The following DAB2IP variants were observed in gnomAD, a reference collection of about 807,000 sequenced individuals.
DAB2IP encodes the protein DAB2 interacting protein, also known as disabled homolog 2-interacting protein.
Under a neutral mutation model 107.2 loss-of-function variants are expected in DAB2IP, and 28 were observed. The ratio of observed to expected loss-of-function variants is 0.26; its 90% confidence interval spans 0.19 to 0.36. The LOEUF (loss-of-function observed/expected upper bound fraction) is 0.36, where lower values mean the gene tolerates loss of function less well. Ranked by LOEUF, DAB2IP falls within the 10% of genes least tolerant of loss-of-function variation. DAB2IP has a pLI of 1.00. For synonymous variants in DAB2IP, 755 were observed against 706.4 expected (o/e 1.07, Z -1.09); for missense variants, 1,400 against 1,644.7 (o/e 0.85, Z 2.57).
At position 121,599,740 on chromosome 9, in the gene DAB2IP, G is replaced by A. The variant is rs528668734; in HGVS notation, c.40+32512G>A. The stretch of plus-strand genomic sequence containing the variant: ...GCTCCGGAGCCTTTGGGATGGCAGC[G>A]CCCAGCGGCCCGGCCCGCGCGTAGA... On this transcript the variant is annotated intron_variant, in intron 1 of 16. Transcript: ENST00000259371. The surrounding 1 kb of genome is among the most constrained non-coding windows in gnomAD (Gnocchi z 6.9). Among the ~76,000 whole-genome samples the A allele has an allele frequency of 1.3e-5, 2 of 152,114 alleles. 1 individual carries two copies. The highest frequency in any genetic ancestry group is 3.9e-4 in the East Asian group (2 of 5,124).
At position 121,638,410 on chromosome 9, in the gene DAB2IP, CT is replaced by C. The variant is rs201888791; in HGVS notation, c.41-40267del. Among the ~76,000 whole-genome samples, 401 of 152,302 alleles carry C rather than the reference CT, an allele frequency of 2.6e-3. 2 individuals are homozygous for C. The highest frequency in any genetic ancestry group is 9.0e-3 in the African/African-American group (375 of 41,560). On this transcript the variant is annotated intron_variant, in intron 1 of 16. Transcript: ENST00000259371. ...TTTTGGTATCCTGGATCCAATACCC[CT>C]GGGATACCGAGAGACGCCTGTATGG...
chr9:121,646,207 CATTAA>C (rs1000625485), intron 1 of DAB2IP, among the ~76,000 whole-genome samples: 3 of 152,208 alleles, frequency 2.0e-5, no homozygotes, highest in African/African-American at 7.2e-5. Flanking sequence ...CAAACGATGT[CATTAA>C]ATATATCGGT....
intron 12 of DAB2IP, 114 bp from the exon 13 acceptor site, chr9:121,774,146 C>G: frequency 8.1e-7 from 1 of 1,235,326 alleles, no homozygotes; most frequent in South Asian, 1.7e-5. Context: ...TGGAGGTCCC[C>G]TCTTCCCACC....
chr9:121,682,084 G>A (rs1828629440), intron 2 of DAB2IP, among the ~76,000 whole-genome samples: 1 of 152,234 alleles, frequency 6.6e-6, no homozygotes, highest in South Asian at 2.1e-4. Flanking sequence ...TGGTGAGCCT[G>A]GCCTGGGCCT....
chr9:121,575,700 C>T (rs1380797666), intron 1 of DAB2IP, among the ~76,000 whole-genome samples: 5 of 152,028 alleles, frequency 3.3e-5, no homozygotes, highest in African/African-American at 1.2e-4. Context: ...GGGCTGACTG[C>T]AGGATATCCA....
At chr9:121,784,176 C>CCAGGGATCACAG (rs1415416109) in exon 16 of DAB2IP, 2 of 155,626 alleles carry the variant, frequency 1.3e-5, no homozygotes, top group South Asian at 2.0e-4. Flanking sequence ...GGCTGGGCCA[C>CCAGGGATCACAG]CAGGGATCAC....
intron 10 of DAB2IP, among the ~76,000 whole-genome samples, chr9:121,769,372 C>G (rs917859516): frequency 5.3e-5 from 8 of 151,962 alleles, no homozygotes; most frequent in Non-Finnish European, 7.3e-5. Context: ...CACACACATG[C>G]AGGCGCACAC....
chr9:121,669,533 G>A (rs764209721), intron 1 of DAB2IP, among the ~76,000 whole-genome samples: 4 of 152,182 alleles, frequency 2.6e-5, no homozygotes, highest in Admixed American at 6.5e-5. Context: ...GGGGGAGGTC[G>A]AAGGGAGTGG....
At chr9:121,717,755 ACCTCCCTCTTCTTTCTCTCTTCC>A (rs1830687313) in intron 3 of DAB2IP, among the ~76,000 whole-genome samples, 1 of 151,364 alleles carries the variant, frequency 6.6e-6, no homozygotes, top group Non-Finnish European at 1.5e-5. Context: ...TTTGAGCACC[ACCTCCCTCTTCTTTCTCTCTTCC>A]CCTCCCCCTC....
chr9:121,595,020 G>C (rs1233013183), intron 1 of DAB2IP, among the ~76,000 whole-genome samples: 1 of 152,100 alleles, frequency 6.6e-6, no homozygotes, highest in Non-Finnish European at 1.5e-5. Context: ...GTGCTTGGGC[G>C]GGGGCAGTCT....
Position 121,679,072 on chromosome 9 carries a change from G to C in DAB2IP, c.228+291G>C, listed in dbSNP as rs139746135. Among the ~76,000 whole-genome samples the C allele has an allele frequency of 6.2e-3, 943 of 152,300 alleles. 7 individuals carry two copies. Among genetic ancestry groups the C allele is most frequent in the African/African-American group, 0.022 (909 of 41,542 alleles). On this transcript the variant is annotated intron_variant, in intron 2 of 15. Transcript: ENST00000408936. ...GCTGAGCTGGCCCGGAAAGAGAAGA[G>C]GCTCTTGTTAGTTTAGATAAATGTA... is the stretch of plus-strand genomic sequence containing the variant.
chr9:121,628,723 C>T lies in DAB2IP; in HGVS notation c.41-49955C>T, dbSNP rs75670940. ...CGGGGCATGCAGAGGGCCTGGCAAA[C>T]CTTCTTTAGAGAGGCTCTTTGGCTA... is the stretch of plus-strand genomic sequence containing the variant. On this transcript the variant is annotated intron_variant, in intron 1 of 16. Transcript: ENST00000259371. Among the ~76,000 whole-genome samples the T allele has an allele frequency of 9.1e-3, 1,388 of 152,258 alleles. 17 individuals are homozygous for T. Among genetic ancestry groups the T allele is most frequent in the African/African-American group, 0.029 (1,225 of 41,530 alleles).
exon 12 of DAB2IP, chr9:121,773,306 G>A (rs754909460): frequency 5.4e-6 from 5 of 918,042 alleles, no homozygotes; most frequent in South Asian, 1.6e-5. Flanking sequence ...CACCCCCGCC[G>A]CCACCTCCTG....
chr9:121,778,534 T>C (rs1445358907), intron 14 of DAB2IP, among the ~76,000 whole-genome samples: 1 of 152,218 alleles, frequency 6.6e-6, no homozygotes, highest in African/African-American at 2.4e-5. Flanking sequence ...CATCTGTTCT[T>C]TTTTTCCTGC....
At chr9:121,670,837 T>G (rs939269592) in intron 1 of DAB2IP, among the ~76,000 whole-genome samples, 3 of 151,996 alleles carry the variant, frequency 2.0e-5, no homozygotes, top group Non-Finnish European at 2.9e-5. Flanking sequence ...GCCAAAATGG[T>G]GAAGCCCCAT....
intron 1 of DAB2IP, among the ~76,000 whole-genome samples, chr9:121,667,448 C>A (rs1303453363): frequency 6.6e-6 from 1 of 152,192 alleles, no homozygotes; most frequent in African/African-American, 2.4e-5. Flanking sequence ...AGGTATGTTC[C>A]TGATTCCTGA....
Position 121,684,054 on chromosome 9 carries a change from C to T in DAB2IP, c.228+5273C>T, listed in dbSNP as rs1279673050. On this transcript the variant is annotated intron_variant, in intron 2 of 15. Coordinates refer to ENST00000408936, the Ensembl canonical transcript of DAB2IP. The surrounding 1 kb of genome is among the most constrained non-coding windows in gnomAD (Gnocchi z 4.0). ...TAGCAGTAGACCTCTGAGCTGTGGA[C>T]CTCAGGTTTTCCAGCTGCTCACCCC... Among the ~76,000 whole-genome samples the T allele has an allele frequency of 6.6e-6, 1 of 152,062 alleles. No individual in the cohort carries two copies. Among genetic ancestry groups the T allele is most frequent in the Non-Finnish European group, 1.5e-5 (1 of 68,020 alleles).
rs190078760 is a variant in DAB2IP, at chr9:121,733,544, C to G, written c.363-23469C>G. Among the ~76,000 whole-genome samples the G allele has an allele frequency of 2.6e-5, 4 of 152,336 alleles. No individual in the cohort carries two copies. The East Asian group carries it at 7.7e-4, about 29-fold the overall frequency. On this transcript the variant is annotated intron_variant, in intron 3 of 15. Coordinates refer to ENST00000408936, the Ensembl canonical transcript of DAB2IP. Reference sequence around the variant, plus strand: ...AGAAGACGGCCTGCAGTGTGTGTTTCTCCATCACTCACGTATGGAATCCCT... The same window carrying G: ...AGAAGACGGCCTGCAGTGTGTGTTTGTCCATCACTCACGTATGGAATCCCT...
At chr9:121,745,718 G>A (rs528808795) in intron 3 of DAB2IP, among the ~76,000 whole-genome samples, 4 of 152,268 alleles carry the variant, frequency 2.6e-5, no homozygotes, top group South Asian at 4.1e-4. Flanking sequence ...CCCACTTGAC[G>A]GGGTAGGATG....
Sources: allele counts gnomAD v4.1 joint callset (sites outside exome capture counted in the v4.1 genomes callset), GRCh38; gene constraint gnomAD v4.1.1; non-coding constraint Gnocchi (gnomAD v3.1); transcripts MANE v1.5; gene names NCBI Gene and HGNC (gene_info 2026-07-23, HGNC 2026-07-21).